The following GMEB2 variants were observed in gnomAD, a reference collection of about 807,000 sequenced individuals.
GMEB2 encodes glucocorticoid modulatory element binding protein 2.
GMEB2 carries 7 observed loss-of-function variants against 45.7 expected under a neutral mutation model. The ratio of observed to expected loss-of-function variants is 0.15; its 90% CI spans 0.09 to 0.29. The LOEUF (loss-of-function observed/expected upper bound fraction) is 0.29. Ranked by LOEUF, GMEB2 falls within the 10% of genes least tolerant of loss-of-function variation. The pLI is 1.00. For synonymous variants in GMEB2, 322 were observed against 323.6 expected, an observed-to-expected ratio of 1.00 and a Z score of 0.05; for missense variants, 582 against 739.2, an observed-to-expected ratio of 0.79 and a Z score of 2.47.
intron 4 of GMEB2, among the ~76,000 whole-genome samples, chr20:63,598,636 G>A (rs381331): frequency 0.51 from 76,805 of 151,968 alleles, 20,957 homozygotes; most frequent in Middle Eastern, 0.67. Flanking sequence ...CTAGCTTGCT[G>A]AAGGAAGTGA....
chr20:63,595,584 C>G, intron 6 of GMEB2, 26 bp downstream of exon 6: 6 of 1,569,760 alleles, frequency 3.8e-6, no homozygotes, highest in Non-Finnish European at 4.3e-6. Context: ...GGGGCTGGGT[C>G]AGGACGAGCA....
At chr20:63,624,442 T>A (rs1006359379) in intron 1 of GMEB2, among the ~76,000 whole-genome samples, 1 of 144,966 alleles carries the variant, frequency 6.9e-6, no homozygotes, top group Non-Finnish European at 1.5e-5. Context: ...AAAAAAAAAA[T>A]TAAAATTAAA....
chr20:63,602,914 A>G (rs1414147870), intron 4 of GMEB2, 51 bp downstream of exon 4: 1 of 1,568,322 alleles, frequency 6.4e-7, no homozygotes, highest in Non-Finnish European at 8.7e-7. Context: ...CAAAGCAGTC[A>G]CAGACACCAT....
At chr20:63,626,913 G>A (rs940873443) in intron 1 of GMEB2, 43 bp downstream of exon 1, 3 of 146,634 alleles carry the variant, frequency 2.0e-5, no homozygotes, top group East Asian at 4.0e-4. Context: ...CGGAGCGAGA[G>A]GCCTCGCCGC....
chr20:63,596,399 G>A (rs1429502968), intron 5 of GMEB2, among the ~76,000 whole-genome samples: 1 of 152,206 alleles, frequency 6.6e-6, no homozygotes, highest in Non-Finnish European at 1.5e-5. Context: ...AGCCTGCCTC[G>A]ACCCATGAAA....
chr20:63,593,155 C>A lies in GMEB2; in HGVS notation c.620-73G>T. ...CCACACCCCACATACCCTGTCCACC[C>A]TCCTCACACCACCTTCTGAACCTTT... On this transcript the variant is annotated intron_variant, in intron 6 of 9. Transcript: ENST00000370077. The surrounding 1 kb of genome is among the most constrained non-coding windows in gnomAD (Gnocchi z 4.7). 1.2e-6 allele frequency: 1 copy of A among 838,952 alleles called. No individual in the cohort carries two copies. The highest frequency in any genetic ancestry group is 2.5e-5 in the East Asian group (1 of 39,362). The allele number at this position is 838,952 out of a possible 1,614,324, so 52.0% of individuals were successfully genotyped here. A position where few individuals can be genotyped will look rare whatever the true frequency, so the allele number is the denominator to read the frequency against.
rs73315885 is a variant in GMEB2 at position 63,615,027 on chromosome 20, T to G, written c.131+4240A>C. ...TTTATCTTTGTCTTGTGTCTTTATT[T>G]CTACACTCTCTCATCTCCGCATACG... On this transcript the variant is annotated intron_variant, in intron 2 of 9. Coordinates refer to ENST00000370077, the MANE Select transcript of GMEB2 (RefSeq NM_012384.5). 2.9e-3 allele frequency among the ~76,000 whole-genome samples: 446 copies of G among 152,292 alleles called. 4 individuals carry two copies. The highest frequency in any genetic ancestry group is 0.011 in the African/African-American group (438 of 41,556).
rs757199150 is a variant in GMEB2 at position 63,588,505 on chromosome 20, G to A, written c.*1584C>T. 1.8e-4 allele frequency: 68 copies of A among 378,398 alleles called. No individual in the cohort carries two copies. Among genetic ancestry groups the A allele is most frequent in the Non-Finnish European group, 3.0e-4 (63 of 213,500 alleles). The allele number at this position is 378,398 out of a possible 1,614,324, so 23.4% of individuals were successfully genotyped here. A position where few individuals can be genotyped will look rare whatever the true frequency, so the allele number is the denominator to read the frequency against. ...AAAGATCAACATCACGCCGAAACCA[G>A]CTGACTGTGACAACAGCAAACAAAA... On this transcript the variant is annotated 3_prime_UTR_variant, in exon 10 of 10. Coordinates refer to ENST00000370077, the MANE Select transcript of GMEB2 (RefSeq NM_012384.5).
chr20:63,615,270 G>A (rs1038466948), intron 2 of GMEB2, among the ~76,000 whole-genome samples: 3 of 152,168 alleles, frequency 2.0e-5, no homozygotes, highest in African/African-American at 4.8e-5. Flanking sequence ...AAATGGGATG[G>A]TCTCCAACTT....
chr20:63,609,370 T>C (rs2089549032), intron 2 of GMEB2, among the ~76,000 whole-genome samples: 1 of 125,498 alleles, frequency 8.0e-6, no homozygotes, highest in African/African-American at 3.0e-5. Context: ...TCTAGAAACA[T>C]GCCCCTCTGA....
chr20:63,624,428 C>A (rs1227640415), intron 1 of GMEB2, among the ~76,000 whole-genome samples: 23 of 141,742 alleles, frequency 1.6e-4, no homozygotes, highest in African/African-American at 1.6e-4. Context: ...GACTCTGTCT[C>A]AAAAAAAAAA....
At position 63,619,383 on chromosome 20, in the gene GMEB2, G is replaced by T; in HGVS notation, c.15C>A (p.Asp5Glu). MATP[D>E]VSVHMEEVVV... ...CCACCTCCTCCATGTGCACACTCAC[G>T]TCGGGAGTCGCCATGGCTCAGCGGA... The change falls in exon 2 of 10, where the codon GAC becomes GAA. Residue 5 changes from aspartate (D) to glutamate (E), a missense_variant. Transcript: ENST00000370077. The surrounding 1 kb of genome is among the most constrained non-coding windows in gnomAD (Gnocchi z 4.6). 5.6e-6 allele frequency: 9 copies of T among 1,611,496 alleles called. No homozygotes were observed. The highest frequency in any genetic ancestry group is 7.6e-6 in the Non-Finnish European group (9 of 1,179,786).
In GMEB2 at chr20:63,592,766, C is replaced by T; in HGVS notation, c.692-96G>A. 1 of 1,053,630 alleles carries T rather than the reference C, an allele frequency of 9.5e-7. No individual in the cohort carries two copies. 65.3% of individuals were successfully genotyped at this position (1,053,630 alleles called of 1,614,324 possible). Reference sequence around the variant, plus strand: ...GGACATCACCATAGCCACGAGGACACCATGCCAGAGCCGGCAGCGCCTGGC... The same window carrying T: ...GGACATCACCATAGCCACGAGGACATCATGCCAGAGCCGGCAGCGCCTGGC... On this transcript the variant is annotated intron_variant, in intron 7 of 9. Coordinates refer to ENST00000370077, the MANE Select transcript of GMEB2 (RefSeq NM_012384.5). This position sits in a 1 kb window ranked among gnomAD's most constrained non-coding sequence, Gnocchi z 8.2.
chr20:63,599,193 C>T (rs1230402851), intron 4 of GMEB2, among the ~76,000 whole-genome samples: 3 of 149,602 alleles, frequency 2.0e-5, no homozygotes, highest in South Asian at 4.2e-4. Flanking sequence ...CCTGACCCCC[C>T]GGAGCTAACG....
At chr20:63,616,160 T>A (rs554219496) in intron 2 of GMEB2, among the ~76,000 whole-genome samples, 15 of 152,220 alleles carry the variant, frequency 9.9e-5, no homozygotes, top group Non-Finnish European at 1.9e-4. Context: ...CACACACATG[T>A]GGGCCGGGTA....
chr20:63,592,942 C>T lies in GMEB2; in HGVS notation c.691+69G>A. On this transcript the variant is annotated intron_variant, in intron 7 of 9. Coordinates refer to ENST00000370077, the MANE Select transcript of GMEB2 (RefSeq NM_012384.5). This position sits in a 1 kb window ranked among gnomAD's most constrained non-coding sequence, Gnocchi z 8.2. ...CTGGACTCCTGGAGCCCCTGTGTGG[C>T]CCGAGGTGGGCAGAGACTCCACCAC... The T allele has an allele frequency of 9.5e-7, 1 of 1,054,162 alleles. No homozygotes were observed. Among genetic ancestry groups the T allele is most frequent in the Non-Finnish European group, 1.4e-6 (1 of 691,018 alleles). The allele number at this position is 1,054,162 out of a possible 1,614,324, so 65.3% of individuals were successfully genotyped here.
intron 2 of GMEB2, among the ~76,000 whole-genome samples, chr20:63,612,721 C>A (rs1339572717): frequency 1.3e-5 from 2 of 151,982 alleles, no homozygotes; most frequent in African/African-American, 2.4e-5. Flanking sequence ...GATCACAGAC[C>A]GGGCAAAGCA....
Position 63,592,384 on chromosome 20 carries a change from C to T in GMEB2, c.829+149G>A. Reference sequence around the variant, plus strand: ...ATCAAGGCGATCCTCCCACCAAGTTCAGCCTCAGCACAGCAGGAGTCCCAA... The same window carrying T: ...ATCAAGGCGATCCTCCCACCAAGTTTAGCCTCAGCACAGCAGGAGTCCCAA... On this transcript the variant is annotated intron_variant, in intron 8 of 9. Coordinates refer to ENST00000370077, the MANE Select transcript of GMEB2 (RefSeq NM_012384.5). This position sits in a 1 kb window ranked among gnomAD's most constrained non-coding sequence, Gnocchi z 8.2. 1 of 660,026 alleles carries T rather than the reference C, an allele frequency of 1.5e-6. No individual in the cohort carries two copies. The highest frequency in any genetic ancestry group is 1.9e-5 in the South Asian group (1 of 52,270). 40.9% of individuals were successfully genotyped at this position (660,026 alleles called of 1,614,324 possible).
At chr20:63,624,130 A>T (rs2089655279) in intron 1 of GMEB2, among the ~76,000 whole-genome samples, 1 of 148,560 alleles carries the variant, frequency 6.7e-6, no homozygotes, top group Non-Finnish European at 1.5e-5. Flanking sequence ...AAAATTCAAA[A>T]ATTTGGCCAG....
Sources: allele counts gnomAD v4.1 joint callset (sites outside exome capture counted in the v4.1 genomes callset), GRCh38; gene constraint gnomAD v4.1.1; non-coding constraint Gnocchi (gnomAD v3.1); transcripts MANE v1.5; gene names NCBI Gene and HGNC (gene_info 2026-07-23, HGNC 2026-07-21).